The following B4GALNT2 variants were observed in gnomAD, a reference collection of about 807,000 sequenced individuals.
B4GALNT2 encodes the protein N-acetylneuraminylgalactosylglucosyl-glucoside beta-1,4-N- acetylgalactosaminyltransferase 2.
In B4GALNT2, 42 loss-of-function variants were observed where a neutral mutation model predicts 51.1. That is an observed-to-expected ratio of 0.82 (90% CI 0.64 to 1.06). The LOEUF is 1.06. B4GALNT2 is among the 50% of genes least tolerant of loss of function. The pLI is 0.00. For synonymous variants in B4GALNT2, 253 were observed against 251.7 expected, an observed-to-expected ratio of 1.01 and a Z score of -0.05; for missense variants, 602 against 633.6, an observed-to-expected ratio of 0.95 and a Z score of 0.54.
Position 49,141,402 on chromosome 17 carries a change from T to C in B4GALNT2, c.170T>C (p.Leu57Pro). The C allele has an allele frequency of 6.2e-7, 1 of 1,614,206 alleles. No homozygotes were observed. The highest frequency in any genetic ancestry group is 1.3e-5 in the African/African-American group (1 of 75,066). Residue 57 changes from leucine to proline, a missense_variant, in exon 2 of 11, where the codon CTG (leucine) becomes CCG (proline). Coordinates refer to ENST00000393354, the MANE Select transcript of B4GALNT2 (RefSeq NM_001159387.2). ...PAPGVQKLKL[L>P]PEERLRNLFS... ...CCGGGTGTCCAGAAGCTGAAGCTTC[T>C]GCCTGAGGAACGTCTCAGGAACCTC... is the stretch of plus-strand genomic sequence containing the variant.
intron 3 of B4GALNT2, among the ~76,000 whole-genome samples, chr17:49,142,996 C>T (rs1288564944): frequency 6.6e-6 from 1 of 152,116 alleles, no homozygotes; most frequent in Non-Finnish European, 1.5e-5. Flanking sequence ...CGCCTGTAAT[C>T]CCAACACTTT....
At chr17:49,152,088 C>A (rs2042763024) in intron 3 of B4GALNT2, among the ~76,000 whole-genome samples, 1 of 151,938 alleles carries the variant, frequency 6.6e-6, no homozygotes, top group South Asian at 2.1e-4. Context: ...AAAAAATATG[C>A]TTTGTTAGCC....
At chr17:49,134,549 C>T (rs868010123) in intron 1 of B4GALNT2, among the ~76,000 whole-genome samples, 34 of 152,116 alleles carry the variant, frequency 2.2e-4, no homozygotes, top group Middle Eastern at 3.2e-3. Flanking sequence ...GGATTACAGG[C>T]GTGCGCACGC....
At chr17:49,124,834 G>C in the B4GALNT2 span, among the ~76,000 whole-genome samples, 1 of 152,272 alleles carries the variant, frequency 6.6e-6, no homozygotes, top group South Asian at 2.1e-4. Context: ...TGCTTTAAGA[G>C]AAACCTGTTG....
In B4GALNT2 at chr17:49,171,263, A is replaced by G. The variant is rs138039966; in HGVS notation, c.*1535A>G. On this transcript the variant is annotated 3_prime_UTR_variant, in exon 11 of 11. Coordinates refer to ENST00000393354, the MANE Select transcript of B4GALNT2 (RefSeq NM_001159387.2). The stretch of plus-strand genomic sequence containing the variant: ...ACCTGCAGACTATACAAAGACAAAC[A>G]ACACAGATTAAAAGCACAATCATCA... 3 of 318,670 alleles carry G rather than the reference A, an allele frequency of 9.4e-6. No individual in the cohort carries two copies. Among genetic ancestry groups the G allele is most frequent in the Non-Finnish European group, 1.8e-5 (3 of 168,200 alleles). 19.7% of individuals were successfully genotyped at this position (318,670 alleles called of 1,614,324 possible). A position where few individuals can be genotyped will look rare whatever the true frequency, so the allele number is the denominator to read the frequency against.
upstream of B4GALNT2, among the ~76,000 whole-genome samples, chr17:49,129,942 A>G (rs1047103676): frequency 2.6e-5 from 4 of 152,180 alleles, no homozygotes; most frequent in Admixed American, 6.5e-5. Flanking sequence ...CTTGTCCAAG[A>G]TGGTGATGCT....
chr17:49,164,744 G>A (rs1246225093), intron 8 of B4GALNT2, among the ~76,000 whole-genome samples: 2 of 151,402 alleles, frequency 1.3e-5, no homozygotes, highest in East Asian at 2.0e-4. Context: ...TAGGTGATCC[G>A]CCTATCTTGG....
At chr17:49,144,533 C>G (rs1191761985) in intron 3 of B4GALNT2, among the ~76,000 whole-genome samples, 1 of 152,176 alleles carries the variant, frequency 6.6e-6, no homozygotes, top group Non-Finnish European at 1.5e-5. Flanking sequence ...GCATTCAGGT[C>G]CTGCATCCTC....
chr17:49,141,898 T>C, intron 2 of B4GALNT2, 137 bp from the exon 3 acceptor site: 2 of 1,099,556 alleles, frequency 1.8e-6, no homozygotes, highest in South Asian at 2.9e-5. Context: ...GACTCCAGGG[T>C]CTCATCATCT....
At chr17:49,157,691 C>A (rs143066144) in intron 5 of B4GALNT2, among the ~76,000 whole-genome samples, 2 of 151,996 alleles carry the variant, frequency 1.3e-5, no homozygotes, top group African/African-American at 2.4e-5. Context: ...TGAACTCCTG[C>A]GCTCAAATGA....
intron 10 of B4GALNT2, 92 bp downstream of exon 10, chr17:49,168,992 C>G: frequency 5.3e-6 from 7 of 1,320,150 alleles, no homozygotes; most frequent in Non-Finnish European, 6.3e-6. Flanking sequence ...GCTGGCTGAT[C>G]ATAGTCGCTT....
At position 49,171,321 on chromosome 17, in the gene B4GALNT2, C is replaced by T. The variant is rs1337525631; in HGVS notation, c.*1593C>T. ...CACAGAGCTTCCAAGTGTCTTTATC[C>T]ACTTTAATGGGTTAATATCTGCTAA... On this transcript the variant is annotated 3_prime_UTR_variant, in exon 11 of 11. Transcript: ENST00000393354. The T allele has an allele frequency of 2.6e-6, 1 of 381,418 alleles. No individual in the cohort carries two copies. Among genetic ancestry groups the T allele is most frequent in the African/African-American group, 2.2e-5 (1 of 45,534 alleles). 23.6% of individuals were successfully genotyped at this position (381,418 alleles called of 1,614,324 possible).
At chr17:49,132,964 C>T in intron 1 of B4GALNT2, 158 bp downstream of exon 1, 1 of 1,412,626 alleles carries the variant, frequency 7.1e-7, no homozygotes, top group Non-Finnish European at 9.2e-7. Context: ...ACCGGTTCCC[C>T]GCATAGGTGG....
intron 3 of B4GALNT2, among the ~76,000 whole-genome samples, chr17:49,143,617 T>C (rs1329754027): frequency 2.6e-5 from 4 of 152,254 alleles, no homozygotes; most frequent in Non-Finnish European, 5.9e-5. Context: ...CTTTTGAAGC[T>C]AGCCACTGTC....
intron 4 of B4GALNT2, among the ~76,000 whole-genome samples, chr17:49,155,345 G>A (rs1406332225): frequency 1.4e-5 from 2 of 141,034 alleles, no homozygotes; most frequent in Non-Finnish European, 3.0e-5. Flanking sequence ...GCTCACACCT[G>A]TAATCCCAGC....
intron 1 of B4GALNT2, among the ~76,000 whole-genome samples, chr17:49,139,591 A>T (rs1023684600): frequency 1.3e-5 from 2 of 152,184 alleles, no homozygotes; most frequent in Admixed American, 1.3e-4. Context: ...ATCATAGCTC[A>T]CTACAGCCTT....
rs1383857173 is a variant in B4GALNT2 at position 49,156,700 on chromosome 17, T to C, written c.498+97T>C. 9 of 1,398,102 alleles carry C rather than the reference T, an allele frequency of 6.4e-6. 1 individual carries two copies. The South Asian group carries it at 1.0e-4, about 16-fold the overall frequency. The allele number at this position is 1,398,102 out of a possible 1,614,324, so 86.6% of individuals were successfully genotyped here. On this transcript the variant is annotated intron_variant, in intron 5 of 10. Coordinates refer to ENST00000393354, the MANE Select transcript of B4GALNT2 (RefSeq NM_001159387.2). ...GCCTTTGACGGAGCCCCTGTCCAGA[T>C]TCAAGGTCAGACATGAGCCCAAGGA...
At chr17:49,166,974 A>C (rs955684959) in intron 9 of B4GALNT2, among the ~76,000 whole-genome samples, 1 of 152,212 alleles carries the variant, frequency 6.6e-6, no homozygotes, top group Non-Finnish European at 1.5e-5. Flanking sequence ...TCTCAAAAAA[A>C]GAAAATAATA....
chr17:49,122,904 A>G, the B4GALNT2 span, among the ~76,000 whole-genome samples: 6 of 152,246 alleles, frequency 3.9e-5, no homozygotes, highest in African/African-American at 1.4e-4. Flanking sequence ...AGGGTGGCAT[A>G]GTCGAAAATT....
Sources: gnomAD v4.1 joint callset for allele counts (sites outside exome capture counted in the v4.1 genomes callset) on GRCh38, gnomAD v4.1.1 for gene constraint, MANE v1.5 for transcripts, NCBI Gene and HGNC (gene_info 2026-07-23, HGNC 2026-07-21) for gene names.